Variants in CDC14A observed in about 807,000 individuals in gnomAD.
CDC14A encodes the protein dual specificity protein phosphatase CDC14A.
CDC14A carries 53 observed loss-of-function variants against 74.4 expected under a neutral mutation model. The observed-to-expected ratio is 0.71, with a 90% CI of 0.57 to 0.89. The LOEUF (loss-of-function observed/expected upper bound fraction) is 0.89. Among genes scored for constraint, CDC14A ranks in the 40% least tolerant of loss-of-function variants. CDC14A has a pLI of 0.00. For synonymous variants in CDC14A, 247 were observed against 258.4 expected, an observed-to-expected ratio of 0.96 and a Z score of 0.43; for missense variants, 646 against 713.7, an observed-to-expected ratio of 0.91 and a Z score of 1.08.
intron 15 of CDC14A, among the ~76,000 whole-genome samples, chr1:100,515,777 C>G (rs555086173): frequency 4.5e-4 from 68 of 152,238 alleles, no homozygotes; most frequent in Non-Finnish European, 6.5e-4. Flanking sequence ...TTTGCTGAAC[C>G]CTTTTTACTG....
upstream of CDC14A, among the ~76,000 whole-genome samples, chr1:100,351,275 T>C (rs1650957316): frequency 6.6e-6 from 1 of 151,176 alleles, no homozygotes. Context: ...CTCAGTCAGC[T>C]CTGCACGGGT....
chr1:100,506,287 C>T (rs568811088), intron 15 of CDC14A, among the ~76,000 whole-genome samples: 6 of 152,164 alleles, frequency 3.9e-5, no homozygotes, highest in African/African-American at 1.4e-4. Context: ...TTTCATCCTT[C>T]CTCTTTGTTG....
chr1:100,454,674 A>T (rs2101179071), intron 7 of CDC14A, among the ~76,000 whole-genome samples: 1 of 152,278 alleles, frequency 6.6e-6, no homozygotes, highest in East Asian at 1.9e-4. Context: ...GTTTCACAGG[A>T]GTTAAAAACC....
At chr1:100,468,362 TGGCTACA>T (rs1174152260) in intron 10 of CDC14A, among the ~76,000 whole-genome samples, 1 of 152,218 alleles carries the variant, frequency 6.6e-6, no homozygotes, top group African/African-American at 2.4e-5. Context: ...ATGTGTGATC[TGGCTACA>T]GTGCAATTTT....
chr1:100,390,909 G>A, intron 4 of CDC14A, 85 bp downstream of exon 4: 1 of 937,080 alleles, frequency 1.1e-6, no homozygotes, highest in South Asian at 1.3e-5. Context: ...CAGTTTTTCA[G>A]TGGGATTGAG....
intron 2 of CDC14A, among the ~76,000 whole-genome samples, chr1:100,360,927 C>A (rs1652670968): frequency 6.6e-6 from 1 of 152,110 alleles, no homozygotes. Flanking sequence ...CAGTGGGGAG[C>A]TGTCAGCCTT....
At chr1:100,373,255 C>T (rs1334590950) in intron 2 of CDC14A, among the ~76,000 whole-genome samples, 1 of 152,022 alleles carries the variant, frequency 6.6e-6, no homozygotes, top group Non-Finnish European at 1.5e-5. Flanking sequence ...TAGGGAGGTC[C>T]AAGGAGAGGG....
chr1:100,361,430 G>A (rs1652738113), intron 2 of CDC14A, among the ~76,000 whole-genome samples: 1 of 152,202 alleles, frequency 6.6e-6, no homozygotes. Context: ...TAAGCACTGA[G>A]CTAGTTTTTG....
In CDC14A at chr1:100,459,086, A is replaced by AACACAC. The variant is rs751247467; in HGVS notation, c.608-3556_608-3551dup. Reference sequence around the variant, plus strand: ...TCACTGTCATTCTCACTTCTATTTAAACACACACACACACGCACACACACA... The same window carrying AACACAC: ...TCACTGTCATTCTCACTTCTATTTAAACACACACACACACACACACGCACACACACA... On this transcript the variant is annotated intron_variant, in intron 8 of 15. Coordinates refer to ENST00000336454, the MANE Select transcript of CDC14A (RefSeq NM_003672.4). Among the ~76,000 whole-genome samples the AACACAC allele has an allele frequency of 5.0e-3, 643 of 129,170 alleles. 10 individuals carry two copies. The highest frequency in any genetic ancestry group is 0.017 in the African/African-American group (486 of 28,144). The allele number at this position is 129,170 out of a possible 152,430, so 84.7% of individuals were successfully genotyped here. A position where few individuals can be genotyped will look rare whatever the true frequency, so the allele number is the denominator to read the frequency against.
intron 7 of CDC14A, among the ~76,000 whole-genome samples, chr1:100,454,534 G>C (rs1035231327): frequency 5.9e-5 from 9 of 152,178 alleles, no homozygotes; most frequent in African/African-American, 2.2e-4. Flanking sequence ...TGGGGGAGAT[G>C]ATGGAGCCAT....
chr1:100,424,453 G>A, intron 5 of CDC14A, 152 bp downstream of exon 5: 2 of 626,578 alleles, frequency 3.2e-6, no homozygotes, highest in Non-Finnish European at 2.9e-6. Flanking sequence ...TCATTTCGTA[G>A]AGTTTTATCC....
intron 10 of CDC14A, 135 bp downstream of exon 10, chr1:100,468,229 A>G: frequency 1.0e-6 from 1 of 957,660 alleles, no homozygotes; most frequent in Non-Finnish European, 1.6e-6. Flanking sequence ...TGCCTCTAAT[A>G]GAATATTGTT....
At chr1:100,409,755 A>G (rs758452793) in intron 4 of CDC14A, among the ~76,000 whole-genome samples, 2 of 152,200 alleles carry the variant, frequency 1.3e-5, no homozygotes, top group Non-Finnish European at 2.9e-5. Context: ...TTTGAAATCA[A>G]CTGCTTGTTA....
intron 8 of CDC14A, 130 bp downstream of exon 8, chr1:100,455,622 T>A: frequency 3.1e-6 from 2 of 642,894 alleles, no homozygotes; most frequent in Non-Finnish European, 5.4e-6. Flanking sequence ...TTTAAAAAAT[T>A]GAACAGTAGT....
At chr1:100,468,508 C>T (rs1226966233) in intron 10 of CDC14A, among the ~76,000 whole-genome samples, 1 of 151,942 alleles carries the variant, frequency 6.6e-6, no homozygotes, top group Non-Finnish European at 1.5e-5. Flanking sequence ...CTCCTGACAA[C>T]TAACTAACTA....
chr1:100,424,564 G>A (rs1017154105), intron 5 of CDC14A, among the ~76,000 whole-genome samples: 2 of 152,076 alleles, frequency 1.3e-5, no homozygotes, highest in African/African-American at 4.8e-5. Context: ...CACAAAAAGT[G>A]CCTCATTTAT....
chr1:100,488,917 A>C (rs769644043), intron 11 of CDC14A, among the ~76,000 whole-genome samples: 1 of 152,180 alleles, frequency 6.6e-6, no homozygotes. Flanking sequence ...GAGGTTATTA[A>C]GCAGGGGAGT....
intron 10 of CDC14A, among the ~76,000 whole-genome samples, chr1:100,482,878 G>A (rs1669633209): frequency 6.6e-6 from 1 of 152,002 alleles, no homozygotes. Context: ...TGCACAACGT[G>A]CAGGCTTGGG....
At chr1:100,380,235 AT>A (rs1487316368) in intron 3 of CDC14A, among the ~76,000 whole-genome samples, 1 of 152,204 alleles carries the variant, frequency 6.6e-6, no homozygotes, top group African/African-American at 2.4e-5. Flanking sequence ...CTAAATGACC[AT>A]TTAGTCAAGA....
Sources: allele counts gnomAD v4.1 joint callset (sites outside exome capture counted in the v4.1 genomes callset), GRCh38; gene constraint gnomAD v4.1.1; transcripts MANE v1.5; gene names NCBI Gene and HGNC (gene_info 2026-07-23, HGNC 2026-07-21).